Variants in DGKB observed in about 807,000 individuals in gnomAD.
DGKB encodes the protein 90 kDa diacylglycerol kinase.
DGKB carries 67 observed loss-of-function variants against 114.3 expected under a neutral mutation model. The ratio of observed to expected loss-of-function variants is 0.59; its 90% CI spans 0.48 to 0.72. DGKB has a LOEUF of 0.72. Among genes scored for constraint, DGKB ranks in the 30% least tolerant of loss-of-function variants. The pLI is 0.00. For missense variants in DGKB, 907 were observed against 975.2 expected (o/e 0.93, Z 0.93); for synonymous variants, 398 against 323.1 (o/e 1.23, Z -2.49).
intron 14 of DGKB, among the ~76,000 whole-genome samples, chr7:14,626,739 G>T (rs563102115): frequency 3.3e-5 from 5 of 152,192 alleles, no homozygotes; most frequent in African/African-American, 1.2e-4. Context: ...AAAACTATTT[G>T]CTGACTAGAA....
Position 14,285,219 on chromosome 7 carries a change from G to T in DGKB, c.2122+53296C>A, listed in dbSNP as rs182658020. 4.0e-3 allele frequency among the ~76,000 whole-genome samples: 610 copies of T among 152,150 alleles called. 3 individuals are homozygous for T. Among genetic ancestry groups the T allele is most frequent in the African/African-American group, 0.014 (590 of 41,504 alleles). The stretch of plus-strand genomic sequence containing the variant: ...TATAGGTATACTCTGCCCTAGCAGG[G>T]CTCCTAAAATATACTGCCATTAGGT... On this transcript the variant is annotated intron_variant, in intron 23 of 25. Transcript: ENST00000402815.
chr7:14,443,484 C>T (rs1830342304), intron 21 of DGKB, among the ~76,000 whole-genome samples: 1 of 152,076 alleles, frequency 6.6e-6, no homozygotes, highest in Non-Finnish European at 1.5e-5. Flanking sequence ...ATTTTCATTT[C>T]CTATTTGGCC....
At chr7:14,713,471 T>A (rs1385355804) in intron 6 of DGKB, among the ~76,000 whole-genome samples, 3 of 152,030 alleles carry the variant, frequency 2.0e-5, no homozygotes, top group Non-Finnish European at 4.4e-5. Flanking sequence ...TCCAGTTTAA[T>A]GGAGAGAGAT....
intron 13 of DGKB, among the ~76,000 whole-genome samples, chr7:14,655,486 A>G (rs1815580567): frequency 6.6e-6 from 1 of 151,782 alleles, no homozygotes; most frequent in Non-Finnish European, 1.5e-5. Context: ...AGGTTCCTTA[A>G]AAAACTAAAA....
chr7:14,457,967 T>C (rs1243377123), intron 21 of DGKB, among the ~76,000 whole-genome samples: 2 of 152,180 alleles, frequency 1.3e-5, no homozygotes, highest in South Asian at 2.1e-4. Flanking sequence ...ACTCATCCAG[T>C]GTTCTCTGGA....
At chr7:14,479,606 A>G (rs1782693939) in intron 20 of DGKB, among the ~76,000 whole-genome samples, 1 of 152,110 alleles carries the variant, frequency 6.6e-6, no homozygotes, top group Admixed American at 6.6e-5. Flanking sequence ...TACAAATATC[A>G]AGATGGTTCA....
chr7:14,721,140 A>C (rs1185673568), intron 5 of DGKB, among the ~76,000 whole-genome samples: 1 of 152,244 alleles, frequency 6.6e-6, no homozygotes, highest in African/African-American at 2.4e-5. Flanking sequence ...GAACAAAACA[A>C]AAAAGAAAGA....
intron 21 of DGKB, among the ~76,000 whole-genome samples, chr7:14,411,024 G>C (rs1563126126): frequency 6.6e-6 from 1 of 152,114 alleles, no homozygotes; most frequent in Non-Finnish European, 1.5e-5. Context: ...CCGGGTTAGT[G>C]ATATGCAATA....
At chr7:14,225,165 C>T (rs372375532) in intron 23 of DGKB, among the ~76,000 whole-genome samples, 2 of 152,020 alleles carry the variant, frequency 1.3e-5, no homozygotes, top group African/African-American at 4.8e-5. Flanking sequence ...CAAATTAAGT[C>T]AGTTCCTGTG....
At chr7:14,459,024 C>T (rs1324500459) in intron 21 of DGKB, among the ~76,000 whole-genome samples, 1 of 152,136 alleles carries the variant, frequency 6.6e-6, no homozygotes, top group Non-Finnish European at 1.5e-5. Flanking sequence ...GGGGGAGGGG[C>T]GTCCGCCATT....
chr7:14,579,589 C>T (rs1169572524), intron 19 of DGKB, among the ~76,000 whole-genome samples: 1 of 152,114 alleles, frequency 6.6e-6, no homozygotes, highest in African/African-American at 2.4e-5. Context: ...TGTCTTTATT[C>T]ATTTCTTTAG....
chr7:14,729,322 C>T (rs960677510), intron 5 of DGKB, among the ~76,000 whole-genome samples: 6 of 151,638 alleles, frequency 4.0e-5, no homozygotes, highest in Non-Finnish European at 5.9e-5. Flanking sequence ...CCAGGTTTCA[C>T]CGTGTTAGCC....
At chr7:14,567,223 A>ATATATATTATATATTTATATATT (rs1563533336) in intron 20 of DGKB, among the ~76,000 whole-genome samples, 1 of 53,924 alleles carries the variant, frequency 1.9e-5, no homozygotes, top group African/African-American at 1.1e-4. Flanking sequence ...ATTTATATAT[A>ATATATATTATATATTTATATATT]ATATATATAA....
Position 14,579,398 on chromosome 7 carries a change from A to G in DGKB, c.1609+1464T>C, listed in dbSNP as rs1799611349. On this transcript the variant is annotated intron_variant, in intron 19 of 25. Transcript: ENST00000402815. ...GAGTATGCCAAATATGGACTTCTTTAACAAATTTGAGATTTAGGCCATTTG... is the reference window on the plus strand; with the variant it reads ...GAGTATGCCAAATATGGACTTCTTTGACAAATTTGAGATTTAGGCCATTTG... 3.3e-5 allele frequency among the ~76,000 whole-genome samples: 5 copies of G among 152,296 alleles called. No homozygotes were observed. The South Asian group carries it at 1.0e-3, about 32-fold the overall frequency.
chr7:14,296,162 G>A (rs1188478958), intron 23 of DGKB, among the ~76,000 whole-genome samples: 1 of 151,766 alleles, frequency 6.6e-6, no homozygotes, highest in East Asian at 1.9e-4. Flanking sequence ...CTCCTGAGTA[G>A]CTGGGACTAC....
At chr7:14,322,003 T>C (rs921896728) in intron 23 of DGKB, among the ~76,000 whole-genome samples, 21 of 152,334 alleles carry the variant, frequency 1.4e-4, no homozygotes, top group African/African-American at 4.8e-4. Flanking sequence ...TATTTATTTA[T>C]TTATTTTAGA....
At chr7:14,758,915 A>AGATAGATAGAT (rs1209046589) in intron 2 of DGKB, among the ~76,000 whole-genome samples, 2 of 148,964 alleles carry the variant, frequency 1.3e-5, no homozygotes, top group Non-Finnish European at 2.9e-5. Flanking sequence ...ATAGATAGAT[A>AGATAGATAGAT]GATAGATAGA....
chr7:14,544,306 A>G (rs1793942430), intron 20 of DGKB, among the ~76,000 whole-genome samples: 1 of 152,204 alleles, frequency 6.6e-6, no homozygotes, highest in South Asian at 2.1e-4. Flanking sequence ...GGAATTACAC[A>G]GTGTGAATTT....
chr7:14,299,060 T>C (rs549945265), intron 23 of DGKB, among the ~76,000 whole-genome samples: 1 of 152,234 alleles, frequency 6.6e-6, no homozygotes, highest in South Asian at 2.1e-4. Context: ...CTGAAGAGGA[T>C]GTCGAGAAAT....
Sources: gnomAD v4.1 joint callset for allele counts (sites outside exome capture counted in the v4.1 genomes callset) on GRCh38, gnomAD v4.1.1 for gene constraint, MANE v1.5 for transcripts, NCBI Gene and HGNC (gene_info 2026-07-23, HGNC 2026-07-21) for gene names.